The following SLC25A48 variants were observed in gnomAD, a reference collection of about 807,000 sequenced individuals.
SLC25A48 encodes CTC-321K16.1.
A neutral mutation model predicts 32.2 loss-of-function variants in SLC25A48; 29 were observed. The ratio of observed to expected loss-of-function variants is 0.90; its 90% CI spans 0.67 to 1.23. The LOEUF (loss-of-function observed/expected upper bound fraction) is 1.23. Among genes scored for constraint, SLC25A48 ranks in the 50% most tolerant of loss-of-function variants. The pLI is 0.00. For synonymous variants in SLC25A48, 164 were observed against 172.3 expected (o/e 0.95, Z 0.38); for missense variants, 399 against 422.7 (o/e 0.94, Z 0.49).
intron 3 of SLC25A48, among the ~76,000 whole-genome samples, chr5:135,810,840 C>T (rs1757575534): frequency 6.6e-6 from 1 of 152,132 alleles, no homozygotes; most frequent in African/African-American, 2.4e-5. Context: ...CATTTTTAGC[C>T]CATTTGCCAG....
At chr5:135,842,592 G>T (rs1759100579) in intron 2 of SLC25A48, 133 bp downstream of exon 2, 2 of 870,558 alleles carry the variant, frequency 2.3e-6, no homozygotes, top group South Asian at 3.2e-5. Context: ...CCAGTCCAGG[G>T]GGTGTTGGGT....
intron 3 of SLC25A48, among the ~76,000 whole-genome samples, chr5:135,716,594 G>T (rs1754805065): frequency 6.6e-6 from 1 of 152,178 alleles, no homozygotes; most frequent in Non-Finnish European, 1.5e-5. Context: ...GTCTGGCCTT[G>T]TTTCCTCTTC....
At chr5:135,834,948 G>T in intron 1 of SLC25A48, 55 bp downstream of exon 1, 1 of 1,562,414 alleles carries the variant, frequency 6.4e-7, no homozygotes, top group Non-Finnish European at 8.7e-7. Context: ...GGCGGAGTTT[G>T]CCTCTATGCT....
chr5:135,759,545 A>G (rs1045686335), intron 3 of SLC25A48, among the ~76,000 whole-genome samples: 1 of 152,192 alleles, frequency 6.6e-6, no homozygotes, highest in Non-Finnish European at 1.5e-5. Flanking sequence ...TGAGTCCTGA[A>G]TAAGTCATAC....
chr5:135,732,313 G>A lies in SLC25A48; in HGVS notation c.-520-80210G>A, dbSNP rs189292401. On this transcript the variant is annotated intron_variant, in intron 3 of 10. Transcript: ENST00000646290. The stretch of plus-strand genomic sequence containing the variant: ...CCGGCCCATTATTGGACTGTATAGA[G>A]GTGGGAAGGCCAAACCGAGGAATTA... Among the ~76,000 whole-genome samples the A allele has an allele frequency of 7.4e-3, 1,131 of 152,224 alleles. 4 individuals carry two copies. Among genetic ancestry groups the A allele is most frequent in the Non-Finnish European group, 0.012 (832 of 68,010 alleles).
intron 3 of SLC25A48, among the ~76,000 whole-genome samples, chr5:135,707,593 C>T (rs1160913197): frequency 6.6e-6 from 1 of 152,204 alleles, no homozygotes; most frequent in Non-Finnish European, 1.5e-5. Flanking sequence ...GTTCCCTCTG[C>T]CTGGAACACT....
rs117412347 is a variant in SLC25A48, at chr5:135,714,169, G to A, written c.-521+79213G>A. On this transcript the variant is annotated intron_variant, in intron 3 of 10. Transcript: ENST00000646290. ...AGGTGTGGCCAGAGTGCAGAGAGGC[G>A]CATCGGCTGAGGGGTTGGCATGCCC... Among the ~76,000 whole-genome samples, 269 of 152,302 alleles carry A rather than the reference G, an allele frequency of 1.8e-3. 9 individuals are homozygous for A. In the East Asian group the frequency reaches 0.045, roughly 25 times the overall value.
chr5:135,872,406 T>C (rs1257999211), intron 5 of SLC25A48: 1 of 152,600 alleles, frequency 6.6e-6, no homozygotes, highest in Non-Finnish European at 1.5e-5. Context: ...CACTGGTCTC[T>C]GCTGCAACTT....
chr5:135,731,301 T>G (rs937817156), intron 3 of SLC25A48, among the ~76,000 whole-genome samples: 1 of 152,230 alleles, frequency 6.6e-6, no homozygotes, highest in Non-Finnish European at 1.5e-5. Context: ...CTTTTGTGAT[T>G]CTTCAGTTAC....
At chr5:135,612,830 C>A (rs1395455845) in intron 1 of SLC25A48, among the ~76,000 whole-genome samples, 1 of 152,144 alleles carries the variant, frequency 6.6e-6, no homozygotes, top group African/African-American at 2.4e-5. Flanking sequence ...CATTGATGGA[C>A]CTTAGATTGA....
chr5:135,771,079 ATTACT>A (rs1360670629), intron 3 of SLC25A48, among the ~76,000 whole-genome samples: 1 of 145,962 alleles, frequency 6.9e-6, no homozygotes, highest in Non-Finnish European at 1.5e-5. Context: ...AGAGAATGAT[ATTACT>A]TTCAATATCG....
intron 1 of SLC25A48, among the ~76,000 whole-genome samples, chr5:135,587,134 G>A (rs1002240910): frequency 6.6e-6 from 1 of 152,078 alleles, no homozygotes; most frequent in Non-Finnish European, 1.5e-5. Flanking sequence ...AGGCGCAAGT[G>A]ATCCTCCCAC....
At position 135,604,760 on chromosome 5, in the gene SLC25A48, C is replaced by T. The variant is rs540191297; in HGVS notation, c.-848-24477C>T. On this transcript the variant is annotated intron_variant, in intron 1 of 10. Transcript: ENST00000646290. The stretch of plus-strand genomic sequence containing the variant: ...CACAGGAGACCAAACTAGAATATTA[C>T]GGAGTCATAAAAGGTCAGGTGTCCA... Among the ~76,000 whole-genome samples the T allele has an allele frequency of 3.3e-5, 5 of 152,250 alleles. No individual in the cohort carries two copies. The East Asian group carries it at 5.8e-4, about 18-fold the overall frequency.
intron 7 of SLC25A48, among the ~76,000 whole-genome samples, chr5:135,883,883 G>A (rs58927916): frequency 6.6e-6 from 1 of 152,192 alleles, no homozygotes; most frequent in East Asian, 1.9e-4. Flanking sequence ...CTAGAGCCGC[G>A]TGGGGAGGCC....
chr5:135,596,490 C>T (rs953625663), intron 1 of SLC25A48, among the ~76,000 whole-genome samples: 5 of 152,158 alleles, frequency 3.3e-5, no homozygotes, highest in Non-Finnish European at 4.4e-5. Flanking sequence ...GTTTAGCCTC[C>T]GTAGTCCTCA....
At chr5:135,734,684 G>C (rs1430017387) in intron 3 of SLC25A48, among the ~76,000 whole-genome samples, 1 of 152,060 alleles carries the variant, frequency 6.6e-6, no homozygotes, top group Non-Finnish European at 1.5e-5. Flanking sequence ...GGGCGCAGAG[G>C]CAGGTGCCTG....
At chr5:135,704,937 T>A (rs1259920004) in intron 3 of SLC25A48, among the ~76,000 whole-genome samples, 5 of 152,172 alleles carry the variant, frequency 3.3e-5, no homozygotes, top group Admixed American at 3.3e-4. Context: ...TGACTGCCAT[T>A]CAGGTGTTGG....
rs186906414 is a variant in SLC25A48, at chr5:135,820,329, C to T, written c.-117+7403C>T. 1.4e-3 allele frequency among the ~76,000 whole-genome samples: 208 copies of T among 152,254 alleles called. 1 individual carries two copies. The highest frequency in any genetic ancestry group is 4.5e-3 in the African/African-American group (189 of 41,554). On this transcript the variant is annotated intron_variant, in intron 4 of 10. Coordinates refer to the SLC25A48 transcript ENST00000646290. Reference sequence around the variant, plus strand: ...CAAAAGAACATGCACTGTGTGATTCCGTGTATTCTAGAATAGGTAAAATGA... The same window carrying T: ...CAAAAGAACATGCACTGTGTGATTCTGTGTATTCTAGAATAGGTAAAATGA...
intron 3 of SLC25A48, among the ~76,000 whole-genome samples, chr5:135,787,157 T>C (rs1756868447): frequency 6.6e-6 from 1 of 151,996 alleles, no homozygotes; most frequent in Non-Finnish European, 1.5e-5. Flanking sequence ...TGTGATATTA[T>C]TCATATAATT....
Sources: gnomAD v4.1 joint callset for allele counts (sites outside exome capture counted in the v4.1 genomes callset) on GRCh38, gnomAD v4.1.1 for gene constraint, MANE v1.5 for transcripts, NCBI Gene and HGNC (gene_info 2026-07-23, HGNC 2026-07-21) for gene names.